Variants in PALM2AKAP2 observed in about 807,000 individuals in gnomAD.
PALM2AKAP2 encodes the protein PALM2-AKAP2 fusion protein.
Under a neutral mutation model 71.5 loss-of-function variants are expected in PALM2AKAP2, and 37 were observed. The observed-to-expected ratio is 0.52, with a 90% confidence interval of 0.40 to 0.68. PALM2AKAP2 has a LOEUF of 0.68. Ranked by LOEUF, PALM2AKAP2 falls within the 30% of genes least tolerant of loss-of-function variation. PALM2AKAP2 has a pLI of 0.00. For synonymous variants in PALM2AKAP2, 468 were observed against 478.8 expected (o/e 0.98, Z 0.29); for missense variants, 1,224 against 1,191.8 (o/e 1.03, Z -0.40).
At chr9:110,024,258 G>T (rs1833132461) in intron 7 of PALM2AKAP2, among the ~76,000 whole-genome samples, 1 of 152,066 alleles carries the variant, frequency 6.6e-6, no homozygotes, top group Non-Finnish European at 1.5e-5. Flanking sequence ...GATCCCTCAT[G>T]CCCTCCTATA....
intron 3 of PALM2AKAP2, among the ~76,000 whole-genome samples, chr9:109,892,932 C>T (rs1830118606): frequency 6.6e-6 from 1 of 152,120 alleles, no homozygotes; most frequent in African/African-American, 2.4e-5. Flanking sequence ...TGACAATGTA[C>T]AATATATAAA....
rs1836255455 is a variant in PALM2AKAP2 at position 110,149,342 on chromosome 9, A to G, written c.2570-6977A>G. 2.0e-5 allele frequency among the ~76,000 whole-genome samples: 3 copies of G among 152,322 alleles called. No individual in the cohort carries two copies. In the South Asian group the frequency reaches 6.2e-4, roughly 32 times the overall value. On this transcript the variant is annotated intron_variant, in intron 2 of 3. Coordinates refer to ENST00000374525, the Ensembl canonical transcript of PALM2AKAP2. ...CTCCTCTGGGTATGCACCGCCTGGG[A>G]TGATGGAAGGGCTTGTGGATCTGCC...
chr9:110,158,438 C>T (rs1836513872), intron 3 of PALM2AKAP2, among the ~76,000 whole-genome samples: 1 of 152,134 alleles, frequency 6.6e-6, no homozygotes, highest in Non-Finnish European at 1.5e-5. Flanking sequence ...TTGTGTATGT[C>T]TTTTGTGTTG....
chr9:109,897,651 G>A (rs1830233490), intron 3 of PALM2AKAP2, among the ~76,000 whole-genome samples: 2 of 152,130 alleles, frequency 1.3e-5, no homozygotes, highest in Non-Finnish European at 2.9e-5. Flanking sequence ...TGCTATATTT[G>A]CTTCAAGCAA....
chr9:110,107,703 A>G (rs1426528342), intron 1 of PALM2AKAP2, among the ~76,000 whole-genome samples: 1 of 152,086 alleles, frequency 6.6e-6, no homozygotes, highest in Non-Finnish European at 1.5e-5. Flanking sequence ...AGTAGCTGGG[A>G]CTGCAGGTGT....
intron 1 of PALM2AKAP2, among the ~76,000 whole-genome samples, chr9:109,736,806 G>T (rs1472198465): frequency 6.6e-6 from 1 of 151,854 alleles, no homozygotes; most frequent in East Asian, 1.9e-4. Flanking sequence ...TTATTATTCT[G>T]GTCTGTATTT....
chr9:109,955,971 T>G (rs1827791870), intron 6 of PALM2AKAP2, among the ~76,000 whole-genome samples: 1 of 151,448 alleles, frequency 6.6e-6, no homozygotes, highest in African/African-American at 2.4e-5. Context: ...ACAAAAAAAC[T>G]GATATGATTT....
chr9:110,024,206 T>G (rs1045138438), intron 7 of PALM2AKAP2, among the ~76,000 whole-genome samples: 1 of 152,200 alleles, frequency 6.6e-6, no homozygotes, highest in African/African-American at 2.4e-5. Context: ...AATCCAGTTT[T>G]AGAACACACA....
At chr9:109,878,321 T>C (rs533603703) in intron 2 of PALM2AKAP2, among the ~76,000 whole-genome samples, 1 of 152,358 alleles carries the variant, frequency 6.6e-6, no homozygotes, top group South Asian at 2.1e-4. Flanking sequence ...CAGTGATGCA[T>C]AGCTGTTTAC....
chr9:109,959,354 T>G (rs140788184), intron 6 of PALM2AKAP2, among the ~76,000 whole-genome samples: 2 of 152,160 alleles, frequency 1.3e-5, no homozygotes, highest in Non-Finnish European at 2.9e-5. Flanking sequence ...GTCTTAAGTA[T>G]AAAGATCCAG....
At chr9:109,855,802 G>A (rs903753829) in intron 1 of PALM2AKAP2, among the ~76,000 whole-genome samples, 5 of 152,172 alleles carry the variant, frequency 3.3e-5, no homozygotes, top group Non-Finnish European at 7.3e-5. Context: ...AACATCAGCA[G>A]TGCAAAGAAG....
intron 1 of PALM2AKAP2, among the ~76,000 whole-genome samples, chr9:109,657,452 T>TTGTGTGTGTGTGTGTGTGTGTGTGTGTG (rs3062680): frequency 2.0e-5 from 3 of 147,106 alleles, no homozygotes; most frequent in African/African-American, 7.7e-5. Context: ...AATATGGTAT[T>TTGTGTGTGTGTGTGTGTGTGTGTGTGTG]TGTGTGTGTG....
chr9:110,096,218 C>T (rs1470887514), intron 1 of PALM2AKAP2, among the ~76,000 whole-genome samples: 3 of 152,164 alleles, frequency 2.0e-5, no homozygotes, highest in East Asian at 1.9e-4. Context: ...TAATAACCTG[C>T]CAAAGGCACC....
chr9:110,023,301 G>GTTTTTTTT (rs1292412365), intron 7 of PALM2AKAP2, among the ~76,000 whole-genome samples: 5 of 101,416 alleles, frequency 4.9e-5, no homozygotes, highest in African/African-American at 8.1e-5. Context: ...TCTCATTGTG[G>GTTTTTTTT]TTTCTTTTTT....
chr9:109,845,307 A>G (rs936042144), intron 1 of PALM2AKAP2, among the ~76,000 whole-genome samples: 1 of 152,242 alleles, frequency 6.6e-6, no homozygotes, highest in Non-Finnish European at 1.5e-5. Flanking sequence ...GCTTAAGGCT[A>G]GAGTAAGGAC....
chr9:109,907,366 TC>T (rs928319487), intron 3 of PALM2AKAP2, among the ~76,000 whole-genome samples: 4 of 152,160 alleles, frequency 2.6e-5, no homozygotes, highest in Non-Finnish European at 5.9e-5. Flanking sequence ...ATTTCAAACT[TC>T]CCTTCCAAGA....
chr9:110,017,809 C>T (rs543356520), intron 7 of PALM2AKAP2, among the ~76,000 whole-genome samples: 1 of 151,110 alleles, frequency 6.6e-6, no homozygotes, highest in Admixed American at 6.6e-5. Flanking sequence ...CTCACTGCAA[C>T]ATCCGCCTCC....
At position 109,915,207 on chromosome 9, in the gene PALM2AKAP2, G is replaced by A. The variant is rs144521555; in HGVS notation, c.258-8528G>A. ...ATACATTGCTTAAATCTGTGAGTGG[G>A]CATTACGATGGGCCTAAGTGTCCCA... On this transcript the variant is annotated intron_variant, in intron 3 of 9. Coordinates refer to the PALM2AKAP2 transcript ENST00000302798. 1.8e-3 allele frequency among the ~76,000 whole-genome samples: 273 copies of A among 152,296 alleles called. 2 individuals are homozygous for A. Among genetic ancestry groups the A allele is most frequent in the Non-Finnish European group, 3.7e-4 (25 of 68,024 alleles).
chr9:110,023,139 C>A (rs1833104332), intron 7 of PALM2AKAP2, among the ~76,000 whole-genome samples: 1 of 150,772 alleles, frequency 6.6e-6, no homozygotes, highest in African/African-American at 2.4e-5. Context: ...TTCTAGATCC[C>A]TGAGGAATCG....
Sources: allele counts gnomAD v4.1 joint callset (sites outside exome capture counted in the v4.1 genomes callset), GRCh38; gene constraint gnomAD v4.1.1; transcripts MANE v1.5; gene names NCBI Gene and HGNC (gene_info 2026-07-23, HGNC 2026-07-21).